The following EPS15L1 variants were observed in gnomAD, a reference collection of about 807,000 sequenced individuals.
EPS15L1 encodes epidermal growth factor receptor pathway substrate 15 like 1, also known as epidermal growth factor receptor substrate 15-like 1.
In EPS15L1, 43 loss-of-function variants were observed where a neutral mutation model predicts 117.1. That is an observed-to-expected ratio of 0.37 (90% CI 0.29 to 0.47). EPS15L1 has a LOEUF of 0.47. Ranked by LOEUF, EPS15L1 falls within the 20% of genes least tolerant of loss-of-function variation. EPS15L1 has a pLI of 0.99. For missense variants in EPS15L1, 981 were observed against 1,164.0 expected (o/e 0.84, Z 2.29); for synonymous variants, 459 against 470.5 (o/e 0.98, Z 0.32).
At chr19:16,469,726 C>T (rs1201410018) in intron 1 of EPS15L1, among the ~76,000 whole-genome samples, 1 of 152,024 alleles carries the variant, frequency 6.6e-6, no homozygotes, top group African/African-American at 2.4e-5. Flanking sequence ...CTAGGCTAGC[C>T]CGCTGGGTTA....
intron 9 of EPS15L1, among the ~76,000 whole-genome samples, chr19:16,423,513 T>C (rs1262439696): frequency 3.3e-5 from 5 of 151,656 alleles, no homozygotes; most frequent in Non-Finnish European, 5.9e-5. Context: ...GAGATAGCAA[T>C]GAGCCGTGAT....
chr19:16,466,629 G>A (rs928398947), intron 1 of EPS15L1, among the ~76,000 whole-genome samples: 1 of 152,150 alleles, frequency 6.6e-6, no homozygotes, highest in Non-Finnish European at 1.5e-5. Context: ...AGGGCCAGGC[G>A]CGGTGCCTCC....
In EPS15L1 at chr19:16,370,183, C is replaced by T. The variant is rs575759298; in HGVS notation, c.2380+6939G>A. Among the ~76,000 whole-genome samples the T allele has an allele frequency of 6.6e-6, 1 of 152,320 alleles. No homozygotes were observed. Among genetic ancestry groups the T allele is most frequent in the South Asian group, 2.1e-4 (1 of 4,834 alleles). On this transcript the variant is annotated intron_variant, in intron 22 of 23. Coordinates refer to ENST00000455140, the MANE Select transcript of EPS15L1 (RefSeq NM_001258374.3). The surrounding 1 kb of genome is among the most constrained non-coding windows in gnomAD (Gnocchi z 5.2). ...GCTCCCATGGTGGGGGACACTTTTG[C>T]TCTCTTTATGGCCAGATTCCCCATT...
chr19:16,464,816 G>T (rs950797868), intron 1 of EPS15L1, among the ~76,000 whole-genome samples: 1 of 152,128 alleles, frequency 6.6e-6, no homozygotes, highest in Non-Finnish European at 1.5e-5. Flanking sequence ...GGGCATGGTG[G>T]CTCACGCCTG....
At chr19:16,380,671 A>T (rs868130554) in intron 21 of EPS15L1, among the ~76,000 whole-genome samples, 3 of 152,244 alleles carry the variant, frequency 2.0e-5, no homozygotes, top group Non-Finnish European at 2.9e-5. Context: ...TTGAGGCTCT[A>T]GCTTCCAGTC....
intron 1 of EPS15L1, among the ~76,000 whole-genome samples, chr19:16,452,409 G>A (rs149541509): frequency 4.6e-5 from 7 of 150,640 alleles, no homozygotes; most frequent in African/African-American, 1.5e-4. Flanking sequence ...TTATGCTACT[G>A]CACTCCAGCC....
At chr19:16,425,550 T>C (rs2092863522) in intron 8 of EPS15L1, among the ~76,000 whole-genome samples, 1 of 152,182 alleles carries the variant, frequency 6.6e-6, no homozygotes, top group African/African-American at 2.4e-5. Context: ...AAGAATCCAA[T>C]CAAGCCAGAC....
intron 15 of EPS15L1, among the ~76,000 whole-genome samples, chr19:16,402,964 A>G (rs2092617426): frequency 6.6e-6 from 1 of 152,200 alleles, no homozygotes; most frequent in East Asian, 1.9e-4. Flanking sequence ...AATCCTACAG[A>G]TATTAACCAT....
intron 22 of EPS15L1, among the ~76,000 whole-genome samples, chr19:16,376,040 C>T (rs555119920): frequency 4.1e-4 from 62 of 152,258 alleles, no homozygotes; most frequent in Middle Eastern, 3.4e-3. Context: ...GTGGCAGATT[C>T]CAGGGGAGGG....
At chr19:16,377,888 C>T (rs191799684) in intron 21 of EPS15L1, among the ~76,000 whole-genome samples, 3 of 152,344 alleles carry the variant, frequency 2.0e-5, no homozygotes, top group East Asian at 1.9e-4. Flanking sequence ...CCACCTCTGG[C>T]CCGGACCCTC....
At chr19:16,457,918 C>T (rs2093212617) in intron 1 of EPS15L1, among the ~76,000 whole-genome samples, 2 of 151,904 alleles carry the variant, frequency 1.3e-5, no homozygotes, top group Non-Finnish European at 1.5e-5. Flanking sequence ...GTGTGTCCTC[C>T]GCAGCAGGAA....
At chr19:16,361,750 G>A (rs1362658603) in intron 23 of EPS15L1, 29 bp downstream of exon 23, 1 of 1,598,548 alleles carries the variant, frequency 6.3e-7, no homozygotes, top group South Asian at 1.1e-5. Flanking sequence ...AGGGAGTGGG[G>A]TGGCCCGGAG....
rs1172743814 is a variant in EPS15L1 at position 16,461,121 on chromosome 19, C to T, written c.33+10792G>A. Among the ~76,000 whole-genome samples the T allele has an allele frequency of 4.7e-5, 7 of 150,528 alleles. No homozygotes were observed. The East Asian group carries it at 6.0e-4, about 13-fold the overall frequency. Reference sequence around the variant, plus strand: ...GAGATCGAGACCATCCTGGCTAACACGGTGAAACCCCGTCTCTACTAAAAA... The same window carrying T: ...GAGATCGAGACCATCCTGGCTAACATGGTGAAACCCCGTCTCTACTAAAAA... On this transcript the variant is annotated intron_variant, in intron 1 of 23. Transcript: ENST00000455140.
Position 16,357,326 on chromosome 19 carries a change from A to ATGCGTCCCTGCGAGGT in EPS15L1, c.2587-1491_2587-1476dup, listed in dbSNP as rs1179525615. 3.3e-5 allele frequency: 5 copies of ATGCGTCCCTGCGAGGT among 152,300 alleles called. No individual in the cohort carries two copies. The South Asian group carries it at 6.2e-4, about 19-fold the overall frequency. The allele number at this position is 152,300 out of a possible 1,614,324, so 9.4% of individuals were successfully genotyped here. ...ATACTAGGTGAAACTGACAGGGAGG[A>ATGCGTCCCTGCGAGGT]TGCGTCCCTGCGAGGTTCTGGGTGT... On this transcript the variant is annotated intron_variant, in intron 23 of 23. Coordinates refer to ENST00000455140, the MANE Select transcript of EPS15L1 (RefSeq NM_001258374.3).
At chr19:16,444,885 C>T (rs912988855) in intron 1 of EPS15L1, among the ~76,000 whole-genome samples, 5 of 152,114 alleles carry the variant, frequency 3.3e-5, no homozygotes, top group African/African-American at 1.2e-4. Flanking sequence ...TGCCACCATG[C>T]CCACTTAATT....
rs1330579595 is a variant in EPS15L1, at chr19:16,383,170, T to TTCCA, written c.2247+1955_2247+1958dup. The TTCCA allele has an allele frequency of 1.3e-5, 2 of 152,182 alleles. No homozygotes were observed. Among genetic ancestry groups the TTCCA allele is most frequent in the Non-Finnish European group, 2.9e-5 (2 of 68,038 alleles). The allele number at this position is 152,182 out of a possible 1,614,324, so 9.4% of individuals were successfully genotyped here. ...AACAAGATAGTATTGGAGACCCATT[T>TTCCA]TCCACAGCTCTGTCCAACTCTGTCC... On this transcript the variant is annotated intron_variant, in intron 21 of 23. Coordinates refer to ENST00000455140, the MANE Select transcript of EPS15L1 (RefSeq NM_001258374.3). This position sits in a 1 kb window ranked among gnomAD's most constrained non-coding sequence, Gnocchi z 5.2.
chr19:16,378,656 AGC>A (rs2092325664), intron 21 of EPS15L1, among the ~76,000 whole-genome samples: 1 of 151,990 alleles, frequency 6.6e-6, no homozygotes, highest in African/African-American at 2.4e-5. Context: ...GCAGATACTA[AGC>A]GCCGCCACCT....
chr19:16,450,448 A>C (rs1169541475), intron 1 of EPS15L1, among the ~76,000 whole-genome samples: 2 of 145,256 alleles, frequency 1.4e-5, no homozygotes, highest in Non-Finnish European at 3.0e-5. Flanking sequence ...GGCTGGACGG[A>C]GGCCGTGAGC....
chr19:16,455,129 CAA>C (rs1294446401), intron 1 of EPS15L1, among the ~76,000 whole-genome samples: 2 of 141,666 alleles, frequency 1.4e-5, no homozygotes. Flanking sequence ...AACTCCATCT[CAA>C]AAAAAAAAAG....
Sources: gnomAD v4.1 joint callset for allele counts (sites outside exome capture counted in the v4.1 genomes callset) on GRCh38, gnomAD v4.1.1 for gene constraint, Gnocchi (gnomAD v3.1) non-coding constraint, MANE v1.5 for transcripts, NCBI Gene and HGNC (gene_info 2026-07-23, HGNC 2026-07-21) for gene names.